Variants in BRINP3 observed in about 807,000 individuals in gnomAD.
BRINP3 encodes the protein BMP/retinoic acid inducible neural specific 3.
In BRINP3, 19 loss-of-function variants were observed where a neutral mutation model predicts 71.0. That is an observed-to-expected ratio of 0.27 (90% CI 0.19 to 0.39). The LOEUF (loss-of-function observed/expected upper bound fraction) is 0.39. BRINP3 is among the 10% of genes least tolerant of loss of function. The pLI is 1.00. For synonymous variants in BRINP3, 380 were observed against 337.7 expected (o/e 1.13, Z -1.37); for missense variants, 959 against 940.8 (o/e 1.02, Z -0.25).
chr1:190,356,490 A>G (rs911963261), intron 2 of BRINP3, among the ~76,000 whole-genome samples: 1 of 151,942 alleles, frequency 6.6e-6, no homozygotes, highest in African/African-American at 2.4e-5. Flanking sequence ...GCTATAACAA[A>G]TTACTAGAAA....
chr1:190,323,187 A>C (rs1054346102), intron 2 of BRINP3, among the ~76,000 whole-genome samples: 7 of 152,024 alleles, frequency 4.6e-5, no homozygotes, highest in African/African-American at 1.7e-4. Context: ...AGGTAGTGCA[A>C]ATTTAATAAG....
intron 2 of BRINP3, among the ~76,000 whole-genome samples, chr1:190,422,502 T>A (rs1673450686): frequency 6.6e-6 from 1 of 151,806 alleles, no homozygotes; most frequent in African/African-American, 2.4e-5. Context: ...GAAGTCAACA[T>A]GAAAGATGAC....
intron 1 of BRINP3, among the ~76,000 whole-genome samples, chr1:190,461,972 T>C (rs1676428661): frequency 6.6e-6 from 1 of 152,156 alleles, no homozygotes; most frequent in Non-Finnish European, 1.5e-5. Context: ...TGGAGCGCAG[T>C]GGCTCGATCT....
At chr1:190,157,910 A>G (rs75504976) in intron 7 of BRINP3, among the ~76,000 whole-genome samples, 12,938 of 152,210 alleles carry the variant, frequency 0.085, 726 homozygotes, top group Middle Eastern at 0.15. Context: ...TATGGTACAT[A>G]CATGCCATGG....
At chr1:190,430,417 A>G (rs1281423493) in intron 2 of BRINP3, among the ~76,000 whole-genome samples, 1 of 152,184 alleles carries the variant, frequency 6.6e-6, no homozygotes, top group African/African-American at 2.4e-5. Flanking sequence ...GTGAATTAGA[A>G]AAATATAGGA....
intron 7 of BRINP3, among the ~76,000 whole-genome samples, chr1:190,111,122 C>G (rs1284036832): frequency 2.2e-5 from 3 of 138,940 alleles, no homozygotes; most frequent in Admixed American, 7.7e-5. Flanking sequence ...AGCTTGCAGT[C>G]AGCCGAGATT....
rs925122818 is a variant in BRINP3 at position 190,125,345 on chromosome 1, A to G, written c.1185-26211T>C. 2.3e-4 allele frequency among the ~76,000 whole-genome samples: 35 copies of G among 151,292 alleles called. No homozygotes were observed. The Admixed American group carries it at 2.3e-3, about 10-fold the overall frequency. ...ATACATATTACATATATACACATATATTATATATATACATACTATTTTTTG... is the reference window on the plus strand; with the variant it reads ...ATACATATTACATATATACACATATGTTATATATATACATACTATTTTTTG... On this transcript the variant is annotated intron_variant, in intron 7 of 7. Transcript: ENST00000367462.
intron 2 of BRINP3, among the ~76,000 whole-genome samples, chr1:190,348,606 T>G (rs1668174118): frequency 6.6e-6 from 1 of 152,178 alleles, no homozygotes; most frequent in South Asian, 2.1e-4. Context: ...TGTCTCACTA[T>G]GGCTCCATAT....
intron 7 of BRINP3, among the ~76,000 whole-genome samples, chr1:190,105,107 A>G (rs1345680649): frequency 1.3e-5 from 2 of 152,064 alleles, no homozygotes; most frequent in African/African-American, 4.8e-5. Flanking sequence ...AAACCAAATA[A>G]AATTCTGTCA....
At chr1:190,291,732 G>A (rs1338772626) in intron 2 of BRINP3, among the ~76,000 whole-genome samples, 1 of 152,110 alleles carries the variant, frequency 6.6e-6, no homozygotes, top group Non-Finnish European at 1.5e-5. Flanking sequence ...CAGCCATTGT[G>A]GAGAACAGTT....
intron 2 of BRINP3, among the ~76,000 whole-genome samples, chr1:190,371,889 G>A (rs1553304859): frequency 2.0e-5 from 3 of 152,084 alleles, no homozygotes; most frequent in Non-Finnish European, 4.4e-5. Flanking sequence ...GGAATATGAG[G>A]TCTGTACAAC....
chr1:190,208,997 T>A (rs1179863543), intron 6 of BRINP3, among the ~76,000 whole-genome samples: 3 of 152,122 alleles, frequency 2.0e-5, no homozygotes, highest in Non-Finnish European at 4.4e-5. Flanking sequence ...TGATCCATTA[T>A]AAGTGGTTCA....
At chr1:190,316,331 A>G (rs568830108) in intron 2 of BRINP3, among the ~76,000 whole-genome samples, 1 of 152,208 alleles carries the variant, frequency 6.6e-6, no homozygotes, top group South Asian at 2.1e-4. Context: ...CTAAGAAATT[A>G]TGTTACTTGT....
chr1:190,364,920 G>A (rs145071004), intron 2 of BRINP3, among the ~76,000 whole-genome samples: 85 of 152,134 alleles, frequency 5.6e-4, no homozygotes, highest in African/African-American at 2.0e-3. Context: ...CCTCTGTATA[G>A]AATTTCCAAA....
At chr1:190,202,431 T>C (rs568155902) in intron 6 of BRINP3, among the ~76,000 whole-genome samples, 1 of 152,242 alleles carries the variant, frequency 6.6e-6, no homozygotes, top group South Asian at 2.1e-4. Context: ...CTTCGTATTG[T>C]GGACTTTTGA....
At chr1:190,162,384 A>G (rs956620080) in intron 6 of BRINP3, among the ~76,000 whole-genome samples, 5 of 151,870 alleles carry the variant, frequency 3.3e-5, no homozygotes, top group Non-Finnish European at 7.4e-5. Context: ...AACAAGGTGA[A>G]ACCCCATCTC....
rs746081045 is a variant in BRINP3 at position 190,098,917 on chromosome 1, T to C, written c.1402A>G (p.Met468Val). 1.7e-5 allele frequency: 27 copies of C among 1,614,086 alleles called. No homozygotes were observed. The highest frequency in any genetic ancestry group is 2.3e-5 in the Non-Finnish European group (27 of 1,180,042). The change falls in exon 8 of 8, where the codon ATG (methionine) becomes GTG (valine). Residue 468 changes from methionine to valine, a missense_variant. Physicochemically the swap from Met to Val is conservative, Grantham distance 21. Coordinates refer to ENST00000367462, the MANE Select transcript of BRINP3 (RefSeq NM_199051.3). ...TRCGTCNTGY[M>V]LSQGLCKPEV... Reference sequence around the variant, plus strand: ...GGCTTGCAGAGCCCCTGGCTGAGCATGTAGCCGGTGTTGCAGGTGCCGCAG... The same window carrying C: ...GGCTTGCAGAGCCCCTGGCTGAGCACGTAGCCGGTGTTGCAGGTGCCGCAG...
At chr1:190,183,936 T>C (rs1236856168) in intron 6 of BRINP3, among the ~76,000 whole-genome samples, 3 of 152,168 alleles carry the variant, frequency 2.0e-5, no homozygotes, top group African/African-American at 7.2e-5. Context: ...AATTGTTGTC[T>C]ATCTTGCTAG....
chr1:190,456,145 C>G (rs989906331), intron 1 of BRINP3, among the ~76,000 whole-genome samples: 1 of 152,128 alleles, frequency 6.6e-6, no homozygotes, highest in Non-Finnish European at 1.5e-5. Context: ...AATAAGAACA[C>G]TGGTGGTTTT....
Sources: gnomAD v4.1 joint callset for allele counts (sites outside exome capture counted in the v4.1 genomes callset) on GRCh38, gnomAD v4.1.1 for gene constraint, MANE v1.5 for transcripts, NCBI Gene and HGNC (gene_info 2026-07-23, HGNC 2026-07-21) for gene names.